RHOU: variants seen among roughly 807,000 people sequenced by gnomAD.
RHOU encodes the protein ras homolog family member U.
A neutral mutation model predicts 12.6 loss-of-function variants in RHOU; 8 were observed. The ratio of observed to expected loss-of-function variants is 0.64; its 90% CI spans 0.37 to 1.15. RHOU has a LOEUF of 1.15. Among genes scored for constraint, RHOU ranks in the 50% most tolerant of loss-of-function variants. RHOU has a pLI of 0.01. For missense variants in RHOU, 258 were observed against 347.0 expected, an observed-to-expected ratio of 0.74 and a Z score of 2.04; for synonymous variants, 161 against 147.4, an observed-to-expected ratio of 1.09 and a Z score of -0.67.
the RHOU span, among the ~76,000 whole-genome samples, chr1:228,682,149 A>C: frequency 1.3e-5 from 2 of 152,246 alleles, no homozygotes; most frequent in South Asian, 4.1e-4. Flanking sequence ...TGGACTTGGA[A>C]GGACAGGGAG....
At chr1:228,734,711 C>G (rs1662557140), upstream of RHOU, among the ~76,000 whole-genome samples, 1 of 152,094 alleles carries the variant, frequency 6.6e-6, no homozygotes, top group Non-Finnish European at 1.5e-5. Context: ...AAGAGGCGTC[C>G]TTTTTCTGAA....
At chr1:228,647,403 C>T in the RHOU span, among the ~76,000 whole-genome samples, 1 of 152,226 alleles carries the variant, frequency 6.6e-6, no homozygotes, top group East Asian at 1.9e-4. Context: ...TCTGGCGTGT[C>T]CTCGGTACTG....
Position 228,735,964 on chromosome 1 carries a change from C to T in RHOU, c.222C>T (p.Tyr74=), listed in dbSNP as rs569745402. The change falls in exon 1 of 3, where the codon TAC becomes TAT. Residue 74 remains tyrosine, a synonymous_variant. Coordinates refer to ENST00000366691, the MANE Select transcript of RHOU (RefSeq NM_021205.6). This position sits in a 1 kb window ranked among gnomAD's most constrained non-coding sequence, Gnocchi z 8.1. Reference sequence around the variant, plus strand: ...TGGTGAGCTACACCACCAACGGCTACCCCACCGAGTACATCCCTACTGCCT... The same window carrying T: ...TGGTGAGCTACACCACCAACGGCTATCCCACCGAGTACATCCCTACTGCCT... The part of the protein sequence containing the change: ...SLVVSYTTNG[Y]PTEYIPTAFD... The T allele has an allele frequency of 1.3e-6, 2 of 1,583,194 alleles. No homozygotes were observed. Among genetic ancestry groups the T allele is most frequent in the South Asian group, 2.2e-5 (2 of 90,518 alleles).
the RHOU span, among the ~76,000 whole-genome samples, chr1:228,695,571 C>T: frequency 6.6e-6 from 1 of 152,182 alleles, no homozygotes; most frequent in African/African-American, 2.4e-5. Context: ...CCACCACTTC[C>T]TCCTTGAGTT....
At chr1:228,662,340 A>T in the RHOU span, among the ~76,000 whole-genome samples, 2 of 152,256 alleles carry the variant, frequency 1.3e-5, no homozygotes, top group Non-Finnish European at 1.5e-5. Context: ...GTATATACCC[A>T]AAGGATTATA....
chr1:228,724,242 T>C, the RHOU span, among the ~76,000 whole-genome samples: 150 of 152,324 alleles, frequency 9.8e-4, 1 homozygote, highest in Non-Finnish European at 1.7e-3. Flanking sequence ...ACACAATCTA[T>C]CTTATTTAGT....
the RHOU span, among the ~76,000 whole-genome samples, chr1:228,682,507 G>A: frequency 1.3e-5 from 2 of 152,156 alleles, no homozygotes; most frequent in Non-Finnish European, 1.5e-5. Context: ...TGGGATAGGC[G>A]GTGGAGTTAG....
chr1:228,646,800 G>T, the RHOU span, among the ~76,000 whole-genome samples: 6 of 151,994 alleles, frequency 3.9e-5, no homozygotes, highest in African/African-American at 1.4e-4. Flanking sequence ...GTGCGCAGAC[G>T]CACGCACACA....
rs1329465530 is a variant in RHOU at position 228,743,259 on chromosome 1, C to T, written c.322-26C>T. 1 of 1,595,504 alleles carries T rather than the reference C, an allele frequency of 6.3e-7. No homozygotes were observed. Among genetic ancestry groups the T allele is most frequent in the Admixed American group, 1.7e-5 (1 of 59,684 alleles). ...CTGATGAGAATTCATGAAAACATAA[C>T]TTTTGGGTACTTTGCTTGGTTGCAG... On this transcript the variant is annotated intron_variant, in intron 2 of 2. Transcript: ENST00000366691. The surrounding 1 kb of genome is among the most constrained non-coding windows in gnomAD (Gnocchi z 5.1).
chr1:228,646,718 A>G, the RHOU span, among the ~76,000 whole-genome samples: 24 of 151,446 alleles, frequency 1.6e-4, no homozygotes, highest in African/African-American at 5.3e-4. Flanking sequence ...CACCGCCACC[A>G]GGAGCAAATC....
In RHOU at chr1:228,743,655, A is replaced by G; in HGVS notation, c.692A>G (p.Gln231Arg). Residue 231 changes from glutamine (Q) to arginine (R), a missense_variant, in exon 3 of 3, where the codon CAG (glutamine) becomes CGG (arginine). Physicochemically the swap from Gln to Arg is conservative, Grantham distance 43. Coordinates refer to ENST00000366691, the MANE Select transcript of RHOU (RefSeq NM_021205.6). The surrounding 1 kb of genome is among the most constrained non-coding windows in gnomAD (Gnocchi z 5.1). ...AGIQYSDTQQQPKKSKSRTPD... is the reference protein window; with the variant it reads ...AGIQYSDTQQRPKKSKSRTPD... ...ATTCAATACTCGGACACTCAGCAAC[A>G]GCCAAAGAAGTCTAAAAGCAGGACT... 6.2e-7 allele frequency: 1 copy of G among 1,614,204 alleles called. No homozygotes were observed. The highest frequency in any genetic ancestry group is 8.5e-7 in the Non-Finnish European group (1 of 1,180,046).
chr1:228,657,279 C>CAAAAAAAAAAAAAAAAAAAAAAAAAA, the RHOU span, among the ~76,000 whole-genome samples: 4 of 28,034 alleles, frequency 1.4e-4, no homozygotes, highest in South Asian at 2.2e-3. Context: ...AACTCCATCT[C>CAAAAAAAAAAAAAAAAAAAAAAAAAA]AAAAAAAAAA....
chr1:228,657,446 A>G, the RHOU span, among the ~76,000 whole-genome samples: 4 of 152,222 alleles, frequency 2.6e-5, no homozygotes, highest in Admixed American at 6.5e-5. Flanking sequence ...AAGGGCATAT[A>G]TATTAATAAA....
chr1:228,736,048 T>C (rs779458208), intron 1 of RHOU, 44 bp downstream of exon 1: 4 of 1,551,672 alleles, frequency 2.6e-6, no homozygotes, highest in Non-Finnish European at 2.6e-6. Context: ...GTGGCCGCGG[T>C]CCACCCAGGG....
At chr1:228,723,297 A>G in the RHOU span, among the ~76,000 whole-genome samples, 2 of 152,198 alleles carry the variant, frequency 1.3e-5, no homozygotes, top group South Asian at 4.1e-4. Flanking sequence ...GGGGGCTCCA[A>G]AGCCAGGAGA....
chr1:228,736,456 A>T (rs571733228), intron 1 of RHOU, among the ~76,000 whole-genome samples: 5 of 151,974 alleles, frequency 3.3e-5, no homozygotes, highest in Non-Finnish European at 7.4e-5. Context: ...CTTTGCTTTT[A>T]GGCGGCTCAG....
chr1:228,652,738 A>G, the RHOU span, among the ~76,000 whole-genome samples: 1 of 152,214 alleles, frequency 6.6e-6, no homozygotes, highest in Non-Finnish European at 1.5e-5. Flanking sequence ...AAAACAAAAA[A>G]TTAATTACAT....
chr1:228,735,272 G>A (rs1168083637), upstream of RHOU: 1 of 152,180 alleles, frequency 6.6e-6, no homozygotes, highest in East Asian at 1.9e-4. The surrounding 1 kb of genome is among the most constrained non-coding windows in gnomAD (Gnocchi z 8.1). Context: ...TGTGTTCCAG[G>A]TCCTCCCGCG....
chr1:228,670,701 G>C, the RHOU span, among the ~76,000 whole-genome samples: 1 of 152,328 alleles, frequency 6.6e-6, no homozygotes, highest in Non-Finnish European at 1.5e-5. Flanking sequence ...ATGTCGAGTT[G>C]TGATTCTCAG....
Sources: allele counts gnomAD v4.1 joint callset (sites outside exome capture counted in the v4.1 genomes callset), GRCh38; gene constraint gnomAD v4.1.1; non-coding constraint Gnocchi (gnomAD v3.1); transcripts MANE v1.5; gene names NCBI Gene and HGNC (gene_info 2026-07-23, HGNC 2026-07-21).